The following PALM variants were observed in gnomAD, a reference collection of about 807,000 sequenced individuals.
The protein encoded by PALM is paralemmin, also known as paralemmin-1.
A neutral mutation model predicts 30.7 loss-of-function variants in PALM; 18 were observed. That is an observed-to-expected ratio of 0.59 (90% confidence interval 0.41 to 0.87). The LOEUF (loss-of-function observed/expected upper bound fraction) is 0.87. Ranked by LOEUF, PALM falls within the 40% of genes least tolerant of loss-of-function variation. The probability of loss-of-function intolerance (pLI) is 0.00; values close to 1 mark genes in which losing one functional copy is unlikely to be tolerated. For missense variants in PALM, 529 were observed against 555.4 expected (o/e 0.95, Z 0.48); for synonymous variants, 286 against 242.8 (o/e 1.18, Z -1.66).
In PALM at chr19:746,970, G is replaced by A. The variant is rs1465922856; in HGVS notation, c.*156G>A. The A allele has an allele frequency of 1.6e-6, 1 of 617,022 alleles. No individual in the cohort carries two copies. Among genetic ancestry groups the A allele is most frequent in the Non-Finnish European group, 2.8e-6 (1 of 353,638 alleles). The allele number at this position is 617,022 out of a possible 1,614,324, so 38.2% of individuals were successfully genotyped here. On this transcript the variant is annotated 3_prime_UTR_variant, in exon 9 of 9. Coordinates refer to ENST00000338448, the MANE Select transcript of PALM (RefSeq NM_002579.3). The surrounding 1 kb of genome is among the most constrained non-coding windows in gnomAD (Gnocchi z 7.1). The stretch of plus-strand genomic sequence containing the variant: ...CCGAGTTTTCTTTCGCTGGAAAGAG[G>A]GACAGGGGCCCCCACCCGTCACCAC...
chr19:740,609 G>A (rs532207414), intron 8 of PALM, 126 bp downstream of exon 8: 61 of 942,952 alleles, frequency 6.5e-5, no homozygotes, highest in African/African-American at 5.6e-4. Flanking sequence ...AGCAGATGAC[G>A]CTGTTCAGGC....
In PALM at chr19:747,148, G is replaced by A. The variant is rs961213475; in HGVS notation, c.*334G>A. 7 of 287,580 alleles carry A rather than the reference G, an allele frequency of 2.4e-5. No homozygotes were observed. In the East Asian group the frequency reaches 4.1e-4, roughly 17 times the overall value. 17.8% of individuals were successfully genotyped at this position (287,580 alleles called of 1,614,324 possible). ...ACCGGGGTCCTGGCGGGTGGGACCC[G>A]CAGCCTCCACGCGGCCCAGGCCAGC... On this transcript the variant is annotated 3_prime_UTR_variant, in exon 9 of 9. Coordinates refer to ENST00000338448, the MANE Select transcript of PALM (RefSeq NM_002579.3).
intron 7 of PALM, among the ~76,000 whole-genome samples, chr19:738,878 T>G (rs919317615): frequency 6.6e-6 from 1 of 152,134 alleles, no homozygotes; most frequent in Non-Finnish European, 1.5e-5. Context: ...GGTGAGGACA[T>G]GCAGCTATCT....
intron 7 of PALM, 65 bp from the exon 8 acceptor site, chr19:740,287 C>G (rs1461223976): frequency 1.4e-5 from 20 of 1,478,410 alleles, no homozygotes; most frequent in Non-Finnish European, 1.7e-5. Flanking sequence ...CTGGCTTGGC[C>G]GCAGCCCGGC....
Position 738,832 on chromosome 19 carries a change from G to A in PALM, c.503-1520G>A, listed in dbSNP as rs961755386. Reference sequence around the variant, plus strand: ...GGCCGAGGGGCCAGGCGATGGCAGGGCTGCCCACGATGGGGACCGATGGCC... The same window carrying A: ...GGCCGAGGGGCCAGGCGATGGCAGGACTGCCCACGATGGGGACCGATGGCC... On this transcript the variant is annotated intron_variant, in intron 7 of 8. Coordinates refer to ENST00000338448, the MANE Select transcript of PALM (RefSeq NM_002579.3). 5.3e-5 allele frequency among the ~76,000 whole-genome samples: 8 copies of A among 152,344 alleles called. No homozygotes were observed. In the East Asian group the frequency reaches 9.6e-4, roughly 18 times the overall value.
At position 747,119 on chromosome 19, in the gene PALM, G is replaced by A. The variant is rs1018239018; in HGVS notation, c.*305G>A. 4.0e-5 allele frequency: 13 copies of A among 324,104 alleles called. No homozygotes were observed. Among genetic ancestry groups the A allele is most frequent in the South Asian group, 3.2e-4 (8 of 24,720 alleles). 20.1% of individuals were successfully genotyped at this position (324,104 alleles called of 1,614,324 possible). A position where few individuals can be genotyped will look rare whatever the true frequency, so the allele number is the denominator to read the frequency against. On this transcript the variant is annotated 3_prime_UTR_variant, in exon 9 of 9. Coordinates refer to ENST00000338448, the MANE Select transcript of PALM (RefSeq NM_002579.3). ...CGGCAGCTTCACAGACGCGGCTCGC[G>A]CCCACCGGGGTCCTGGCGGGTGGGA...
Position 747,072 on chromosome 19 carries a change from G to T in PALM, c.*258G>T. 1 of 453,106 alleles carries T rather than the reference G, an allele frequency of 2.2e-6. No individual in the cohort carries two copies. The highest frequency in any genetic ancestry group is 3.1e-5 in the South Asian group (1 of 31,782). 28.1% of individuals were successfully genotyped at this position (453,106 alleles called of 1,614,324 possible). On this transcript the variant is annotated 3_prime_UTR_variant, in exon 9 of 9. Coordinates refer to ENST00000338448, the MANE Select transcript of PALM (RefSeq NM_002579.3). Reference sequence around the variant, plus strand: ...GAGACAGGACAGACCCGCTTTTCCCGAGACAAGGACCCCCCATGTCACGGC... The same window carrying T: ...GAGACAGGACAGACCCGCTTTTCCCTAGACAAGGACCCCCCATGTCACGGC...
At chr19:719,699 C>T in intron 1 of PALM, 1 of 881,458 alleles carries the variant, frequency 1.1e-6, no homozygotes, top group Non-Finnish European at 1.4e-6. Context: ...CTTCCGTGAC[C>T]CCTGCGCCGG....
intron 1 of PALM, among the ~76,000 whole-genome samples, chr19:710,598 C>G (rs1348611246): frequency 6.6e-6 from 1 of 152,080 alleles, no homozygotes; most frequent in Non-Finnish European, 1.5e-5. Context: ...TGTTTCCTTC[C>G]TGCCACCCCT....
At chr19:719,427 G>T (rs1459750343) in intron 1 of PALM, 3 of 985,220 alleles carry the variant, frequency 3.0e-6, no homozygotes, top group African/African-American at 3.5e-5. Context: ...GCCACACGCC[G>T]TAAAAAGCAT....
chr19:722,581 G>C (rs2032527617), intron 1 of PALM: 1 of 152,302 alleles, frequency 6.6e-6, no homozygotes, highest in African/African-American at 2.4e-5. Flanking sequence ...GGTGGAGAGG[G>C]AGCTGTGAGG....
Position 742,092 on chromosome 19 carries a change from G to GGCT in PALM, c.634+1612_634+1614dup, listed in dbSNP as rs1299162648. On this transcript the variant is annotated intron_variant, in intron 8 of 8. Coordinates refer to ENST00000338448, the MANE Select transcript of PALM (RefSeq NM_002579.3). This position sits in a 1 kb window ranked among gnomAD's most constrained non-coding sequence, Gnocchi z 5.5. ...GGCTCATCTGGGCCCGGGACATTGA[G>GGCT]GCTGCAATGAGCTATGATGGCACCC... Among the ~76,000 whole-genome samples the GGCT allele has an allele frequency of 6.6e-6, 1 of 152,144 alleles. No individual in the cohort carries two copies. The highest frequency in any genetic ancestry group is 1.5e-5 in the Non-Finnish European group (1 of 68,034).
rs376337492 is a variant in PALM at position 746,443 on chromosome 19, C to G, written c.793C>G (p.Arg265Gly). The G allele has an allele frequency of 3.7e-6, 6 of 1,609,346 alleles. No individual in the cohort carries two copies. The South Asian group carries it at 4.4e-5, about 12-fold the overall frequency. ...CCGGGGGGCTGTGGAGGGGGCAGCCCGGACCACGCCCTCCCGGCGGGAGAT... is the reference window on the plus strand; with the variant it reads ...CCGGGGGGCTGTGGAGGGGGCAGCCGGGACCACGCCCTCCCGGCGGGAGAT... ...ETRGAVEGAA[R>G]TTPSRREITG... The change falls in exon 9 of 9, where the codon CGG becomes GGG. Residue 265 changes from arginine (R) to glycine (G), a missense_variant. Arg to Gly is a moderately radical substitution (Grantham distance 125). Coordinates refer to ENST00000338448, the MANE Select transcript of PALM (RefSeq NM_002579.3). This position sits in a 1 kb window ranked among gnomAD's most constrained non-coding sequence, Gnocchi z 7.1.
rs1390780977 is a variant in PALM at position 708,994 on chromosome 19, T to TGCC, written c.-146_-144dup. 2 of 145,148 alleles carry TGCC rather than the reference T, an allele frequency of 1.4e-5. No individual in the cohort carries two copies. The highest frequency in any genetic ancestry group is 3.0e-5 in the Non-Finnish European group (2 of 66,412). 9.0% of individuals were successfully genotyped at this position (145,148 alleles called of 1,614,324 possible). On this transcript the variant is annotated 5_prime_UTR_variant, in exon 1 of 9. Coordinates refer to ENST00000338448, the MANE Select transcript of PALM (RefSeq NM_002579.3). ...TTGCGCGGGGCGATGCCCGAGCCGG[T>TGCC]GCCGCCGCCCCCGCGCCGCGCAGCC...
At chr19:726,114 C>T (rs1568224565) in intron 1 of PALM, 24 bp from the exon 2 acceptor site, 1 of 1,602,112 alleles carries the variant, frequency 6.2e-7, no homozygotes, top group East Asian at 2.2e-5. Flanking sequence ...TGAACCAGAG[C>T]TTGACCTTAT....
intron 4 of PALM, among the ~76,000 whole-genome samples, chr19:728,975 G>C (rs906363852): frequency 6.6e-6 from 1 of 151,916 alleles, no homozygotes; most frequent in African/African-American, 2.4e-5. Flanking sequence ...CTGCACTCTG[G>C]CCTGGGCAAC....
intron 1 of PALM, among the ~76,000 whole-genome samples, chr19:718,896 G>T (rs1480466830): frequency 1.3e-5 from 2 of 152,024 alleles, no homozygotes; most frequent in Admixed American, 1.3e-4. Context: ...GCAGGGCCGG[G>T]GGTGCCAGCG....
intron 6 of PALM, 92 bp from the exon 7 acceptor site, chr19:735,927 C>A: frequency 9.6e-7 from 1 of 1,037,116 alleles, no homozygotes; most frequent in Non-Finnish European, 1.4e-6. Context: ...AGTCCGGATG[C>A]ACTTCTGTGA....
intron 7 of PALM, among the ~76,000 whole-genome samples, chr19:739,860 C>T (rs1474846450): frequency 6.6e-6 from 1 of 152,170 alleles, no homozygotes. Context: ...CCTGTAGTCC[C>T]AGCTACGTGG....
Sources: gnomAD v4.1 joint callset for allele counts (sites outside exome capture counted in the v4.1 genomes callset) on GRCh38, gnomAD v4.1.1 for gene constraint, Gnocchi (gnomAD v3.1) non-coding constraint, MANE v1.5 for transcripts, NCBI Gene and HGNC (gene_info 2026-07-23, HGNC 2026-07-21) for gene names.